Variants in NEMP1 observed in about 807,000 individuals in gnomAD.
NEMP1 encodes transmembrane protein 194.
In NEMP1, 29 loss-of-function variants were observed where a neutral mutation model predicts 53.7. The ratio of observed to expected loss-of-function variants is 0.54; its 90% CI spans 0.40 to 0.74. The LOEUF is 0.74. Ranked by LOEUF, NEMP1 falls within the 30% of genes least tolerant of loss-of-function variation. The pLI is 0.00. For synonymous variants in NEMP1, 193 were observed against 192.9 expected, an observed-to-expected ratio of 1.00 and a Z score of 0.00; for missense variants, 477 against 528.6, an observed-to-expected ratio of 0.90 and a Z score of 0.96.
intron 2 of NEMP1, among the ~76,000 whole-genome samples, 200 bp from the exon 3 acceptor site, chr12:57,071,093 A>T (rs2032323905): frequency 6.6e-6 from 1 of 152,260 alleles, no homozygotes; most frequent in African/African-American, 2.4e-5. Context: ...ACAGAGAGAC[A>T]GCTGTTAGAA....
intron 1 of NEMP1, among the ~76,000 whole-genome samples, chr12:57,086,182 A>G (rs1382098342): frequency 6.6e-6 from 1 of 151,016 alleles, no homozygotes; most frequent in Non-Finnish European, 1.5e-5. Flanking sequence ...CTGCTAGATG[A>G]AAATCTACAC....
At chr12:57,086,527 TCC>T (rs35908183) in intron 1 of NEMP1, among the ~76,000 whole-genome samples, 4,160 of 149,200 alleles carry the variant, frequency 0.028, 168 homozygotes, top group African/African-American at 0.087. Flanking sequence ...TTGTCACCAC[TCC>T]CCCCCCCCCA....
upstream of NEMP1, chr12:57,078,836 G>A (rs1052759717): frequency 1.4e-6 from 2 of 1,443,560 alleles, no homozygotes; most frequent in African/African-American, 1.4e-5. Context: ...TACGAAACCC[G>A]CCCCTATCAA....
chr12:57,072,355 G>A (rs1009668249), intron 2 of NEMP1, among the ~76,000 whole-genome samples: 22 of 152,128 alleles, frequency 1.4e-4, no homozygotes, highest in South Asian at 6.2e-4. Flanking sequence ...CAGGAGAATC[G>A]CTTGAACCCG....
rs1309809293 is a variant in NEMP1, at chr12:57,055,714, GTTC to G, written c.*4162_*4164del. On this transcript the variant is annotated 3_prime_UTR_variant, in exon 9 of 9. Transcript: ENST00000300128. ...AACTTTAAAAATACATTAAGACATT[GTTC>G]TTTTTTCTTACAGAAAAGAGGGTGA... 6.6e-6 allele frequency: 1 copy of G among 152,138 alleles called. No homozygotes were observed. The highest frequency in any genetic ancestry group is 2.4e-5 in the African/African-American group (1 of 41,426). The allele number at this position is 152,138 out of a possible 1,614,324, so 9.4% of individuals were successfully genotyped here. A position where few individuals can be genotyped will look rare whatever the true frequency, so the allele number is the denominator to read the frequency against.
At chr12:57,064,972 T>C (rs2032003109) in intron 4 of NEMP1, among the ~76,000 whole-genome samples, 1 of 152,260 alleles carries the variant, frequency 6.6e-6, no homozygotes, top group South Asian at 2.1e-4. Flanking sequence ...AAAAATTGTT[T>C]ACACTATATT....
At position 57,063,308 on chromosome 12, in the gene NEMP1, A is replaced by G; in HGVS notation, c.791T>C (p.Val264Ala). 2.5e-6 allele frequency: 4 copies of G among 1,614,234 alleles called. No individual in the cohort carries two copies. The South Asian group carries it at 3.3e-5, about 13-fold the overall frequency. Residue 264 changes from valine (V) to alanine (A), a missense_variant, in exon 7 of 9, where the codon GTA (valine) becomes GCA (alanine). Transcript: ENST00000300128. ...VLTVGFMSFA[V>A]CYKYGPLENE... ...CTCCAAGGGCCCATACTTGTAACAT[A>G]CTGCAAAACTCATGAATCCAACTGT...
rs947657468 is a variant in NEMP1, at chr12:57,057,885, G to A, written c.*1994C>T. On this transcript the variant is annotated 3_prime_UTR_variant, in exon 9 of 9. Transcript: ENST00000300128. The stretch of plus-strand genomic sequence containing the variant: ...TAGGGGAGGCACCAAAATCTCCAGA[G>A]AATCCTGAGACCACTTGCACGAGTT... 6.6e-6 allele frequency: 1 copy of A among 152,148 alleles called. No individual in the cohort carries two copies. Among genetic ancestry groups the A allele is most frequent in the African/African-American group, 2.4e-5 (1 of 41,432 alleles). The allele number at this position is 152,148 out of a possible 1,614,324, so 9.4% of individuals were successfully genotyped here. A position where few individuals can be genotyped will look rare whatever the true frequency, so the allele number is the denominator to read the frequency against.
chr12:57,072,856 C>A lies in NEMP1; in HGVS notation c.184G>T (p.Ala62Ser). ...TTTGTGTAACAGAATTGTTGGCTGG[C>A]ACGCTTTTCACAAACTTGGGATTCC... is the stretch of plus-strand genomic sequence containing the variant. Reference protein sequence around the residue: ...LQESQVCEKRASQQFCYTNVL... With the variant: ...LQESQVCEKRSSQQFCYTNVL... The change falls in exon 2 of 9, where the codon GCC becomes TCC. Residue 62 changes from alanine to serine, a missense_variant. By Grantham distance (99) the Ala-to-Ser change is moderately conservative. Transcript: ENST00000300128. 6.2e-7 allele frequency: 1 copy of A among 1,613,632 alleles called. No individual in the cohort carries two copies. Among genetic ancestry groups the A allele is most frequent in the Non-Finnish European group, 8.5e-7 (1 of 1,179,772 alleles).
intron 1 of NEMP1, among the ~76,000 whole-genome samples, chr12:57,074,602 G>A (rs2032515487): frequency 6.6e-6 from 1 of 151,784 alleles, no homozygotes; most frequent in Non-Finnish European, 1.5e-5. Flanking sequence ...ACCACGCCCA[G>A]CCAGCAATAT....
At position 57,056,984 on chromosome 12, in the gene NEMP1, G is replaced by C. The variant is rs959452078; in HGVS notation, c.*2895C>G. The C allele has an allele frequency of 6.6e-6, 1 of 152,180 alleles. No homozygotes were observed. Among genetic ancestry groups the C allele is most frequent in the Admixed American group, 6.5e-5 (1 of 15,286 alleles). The allele number at this position is 152,180 out of a possible 1,614,324, so 9.4% of individuals were successfully genotyped here. A position where few individuals can be genotyped will look rare whatever the true frequency, so the allele number is the denominator to read the frequency against. ...AAACTAGTTTTGGTGGGATGCAGTGGCTAACAGGAATTACTTATTAGAAGG... is the reference window on the plus strand; with the variant it reads ...AAACTAGTTTTGGTGGGATGCAGTGCCTAACAGGAATTACTTATTAGAAGG... On this transcript the variant is annotated 3_prime_UTR_variant, in exon 9 of 9. Coordinates refer to ENST00000300128, the MANE Select transcript of NEMP1 (RefSeq NM_001130963.2).
At chr12:57,060,672 C>A in intron 8 of NEMP1, 100 bp downstream of exon 8, 1 of 1,265,258 alleles carries the variant, frequency 7.9e-7, no homozygotes, top group Non-Finnish European at 1.1e-6. Flanking sequence ...AACAGGAAAA[C>A]AAAGGTCACA....
At chr12:57,066,535 A>G (rs2032085565) in intron 4 of NEMP1, among the ~76,000 whole-genome samples, 1 of 152,172 alleles carries the variant, frequency 6.6e-6, no homozygotes, top group Non-Finnish European at 1.5e-5. Context: ...TCAGTTGAAG[A>G]CTCACAATCT....
chr12:57,067,785 C>T lies in NEMP1; in HGVS notation c.545+1449G>A, dbSNP rs7294924. Among the ~76,000 whole-genome samples the T allele has an allele frequency of 6.3e-3, 959 of 152,186 alleles. 15 individuals carry two copies. The highest frequency in any genetic ancestry group is 0.021 in the African/African-American group (892 of 41,512). Reference sequence around the variant, plus strand: ...CTATTCACATCCCCATCATCTCTCCCGACCTGAATATTATTATTTTGTCAC... The same window carrying T: ...CTATTCACATCCCCATCATCTCTCCTGACCTGAATATTATTATTTTGTCAC... On this transcript the variant is annotated intron_variant, in intron 4 of 8. Coordinates refer to ENST00000300128, the MANE Select transcript of NEMP1 (RefSeq NM_001130963.2).
chr12:57,076,306 A>T (rs1294520069), intron 1 of NEMP1, among the ~76,000 whole-genome samples: 1 of 151,774 alleles, frequency 6.6e-6, no homozygotes, highest in Non-Finnish European at 1.5e-5. Context: ...GGGAAGTTAC[A>T]GTGAGCTATG....
chr12:57,072,993 C>T (rs73118406), intron 1 of NEMP1, 81 bp from the exon 2 acceptor site: 1 of 1,311,152 alleles, frequency 7.6e-7, no homozygotes, highest in Non-Finnish European at 1.0e-6. Context: ...ATTAAACTAA[C>T]CATTTTCCTA....
upstream of NEMP1, among the ~76,000 whole-genome samples, chr12:57,080,520 A>G (rs2136525160): frequency 6.6e-6 from 1 of 150,948 alleles, no homozygotes; most frequent in African/African-American, 2.4e-5. Flanking sequence ...CGGAGGCTGC[A>G]GTGAGCCAAG....
Position 57,059,125 on chromosome 12 carries a change from C to T in NEMP1, c.*754G>A, listed in dbSNP as rs773824722. ...ATTGAAAGTTGAATATAATAAAAAG[C>T]CCAGTACATCTCACCTGCAGAAGAG... On this transcript the variant is annotated 3_prime_UTR_variant, in exon 9 of 9. Coordinates refer to ENST00000300128, the MANE Select transcript of NEMP1 (RefSeq NM_001130963.2). The T allele has an allele frequency of 6.6e-6, 1 of 152,122 alleles. No homozygotes were observed. The highest frequency in any genetic ancestry group is 6.5e-5 in the Admixed American group (1 of 15,280). The allele number at this position is 152,122 out of a possible 1,614,324, so 9.4% of individuals were successfully genotyped here. A position where few individuals can be genotyped will look rare whatever the true frequency, so the allele number is the denominator to read the frequency against.
In NEMP1 at chr12:57,070,920, G is replaced by A. The variant is rs1345879546; in HGVS notation, c.253-27C>T. ...TGTAACACAAATAAAATCAGGATGA[G>A]AAAAAAGGAAGTAGGAATTTTAATT... On this transcript the variant is annotated intron_variant, in intron 2 of 8. Transcript: ENST00000300128. The A allele has an allele frequency of 2.6e-6, 4 of 1,544,180 alleles. No individual in the cohort carries two copies. The Admixed American group carries it at 8.1e-5, about 31-fold the overall frequency.
Sources: allele counts gnomAD v4.1 joint callset (sites outside exome capture counted in the v4.1 genomes callset), GRCh38; gene constraint gnomAD v4.1.1; transcripts MANE v1.5; gene names NCBI Gene and HGNC (gene_info 2026-07-23, HGNC 2026-07-21).